Variants in OTOA observed in about 807,000 individuals in gnomAD.
OTOA encodes the protein cancer/testis antigen 108.
In OTOA, 70 loss-of-function variants were observed where a neutral mutation model predicts 110.8. That is an observed-to-expected ratio of 0.63 (90% CI 0.52 to 0.77). The LOEUF (loss-of-function observed/expected upper bound fraction) is 0.77. OTOA is among the 30% of genes least tolerant of loss of function. The probability of loss-of-function intolerance (pLI) is 0.00; values close to 1 mark genes in which losing one functional copy is unlikely to be tolerated. For missense variants in OTOA, 917 were observed against 1,075.8 expected, an observed-to-expected ratio of 0.85 and a Z score of 2.06; for synonymous variants, 373 against 431.5, an observed-to-expected ratio of 0.86 and a Z score of 1.68.
At position 21,705,312 on chromosome 16, in the gene OTOA, C is replaced by T; in HGVS notation, c.1104+20C>T. 1.2e-6 allele frequency: 2 copies of T among 1,613,360 alleles called. No individual in the cohort carries two copies. The highest frequency in any genetic ancestry group is 1.7e-6 in the Non-Finnish European group (2 of 1,180,020). ...CAGAAGGTACAGCTGGGGTGCAAGGCCCTGAGGCCTCTGCCTCAGTGTCAC... is the reference window on the plus strand; with the variant it reads ...CAGAAGGTACAGCTGGGGTGCAAGGTCCTGAGGCCTCTGCCTCAGTGTCAC... On this transcript the variant is annotated intron_variant, in intron 12 of 28. Coordinates refer to ENST00000646100, the MANE Select transcript of OTOA (RefSeq NM_144672.4).
At chr16:21,667,749 C>T (rs560701949) in intron 1 of OTOA, among the ~76,000 whole-genome samples, 42 of 152,290 alleles carry the variant, frequency 2.8e-4, no homozygotes, top group Non-Finnish European at 3.4e-4. Context: ...TAGCAGGAAG[C>T]TGCCATGGAC....
rs182109934 is a variant in OTOA at position 21,692,064 on chromosome 16, C to T, written c.739+377C>T. 1.4e-4 allele frequency among the ~76,000 whole-genome samples: 22 copies of T among 152,200 alleles called. No individual in the cohort carries two copies. The South Asian group carries it at 1.7e-3, about 11-fold the overall frequency. On this transcript the variant is annotated intron_variant, in intron 9 of 28. Transcript: ENST00000646100. Reference sequence around the variant, plus strand: ...AGAAGAGGCTGGGCGTGGTGGCTCACGCCTGTAATCCCAGCACTTTGGGAG... The same window carrying T: ...AGAAGAGGCTGGGCGTGGTGGCTCATGCCTGTAATCCCAGCACTTTGGGAG...
intron 27 of OTOA, among the ~76,000 whole-genome samples, chr16:21,756,186 G>C (rs1899980717): frequency 6.6e-6 from 1 of 151,472 alleles, no homozygotes; most frequent in African/African-American, 2.4e-5. Context: ...AGTCCCATTG[G>C]AACGAGTCAC....
At chr16:21,699,413 A>G (rs1898007437) in intron 10 of OTOA, among the ~76,000 whole-genome samples, 1 of 152,144 alleles carries the variant, frequency 6.6e-6, no homozygotes, top group African/African-American at 2.4e-5. Flanking sequence ...AGGCGGGAGG[A>G]TCACTTGAGC....
intron 20 of OTOA, among the ~76,000 whole-genome samples, chr16:21,729,040 C>CT (rs1899024502): frequency 7.5e-6 from 1 of 134,078 alleles, no homozygotes; most frequent in Non-Finnish European, 1.7e-5. Context: ...AGTTTAAAGA[C>CT]TATTTTTTTT....
chr16:21,681,369 T>C (rs1425643969), intron 5 of OTOA, among the ~76,000 whole-genome samples: 2 of 151,904 alleles, frequency 1.3e-5, no homozygotes, highest in African/African-American at 2.4e-5. Context: ...GGTGGGAGGA[T>C]TGCTTGAGCC....
chr16:21,681,803 C>A lies in OTOA; in HGVS notation c.245C>A (p.Ala82Asp), dbSNP rs772578617. 1.4e-5 allele frequency: 22 copies of A among 1,613,960 alleles called. No individual in the cohort carries two copies. The highest frequency in any genetic ancestry group is 1.5e-5 in the Non-Finnish European group (18 of 1,179,876). Reference protein sequence around the residue: ...VLAYLNSRNVAFTIPSLQAAV... With the variant: ...VLAYLNSRNVDFTIPSLQAAV... ...GCCTATCTGAATTCCCGGAATGTTGCCTTCACCATCCCCAGCCTGCAGGTG... is the reference window on the plus strand; with the variant it reads ...GCCTATCTGAATTCCCGGAATGTTGACTTCACCATCCCCAGCCTGCAGGTG... The change falls in exon 6 of 29, where the codon GCC (alanine) becomes GAC (aspartate). Residue 82 changes from alanine (A) to aspartate (D), a missense_variant. By Grantham distance (126) the Ala-to-Asp change is moderately radical (BLOSUM62 -2). Transcript: ENST00000646100.
Position 21,760,452 on chromosome 16 carries a change from T to C in OTOA, c.3350-18T>C. 6.5e-7 allele frequency: 1 copy of C among 1,533,152 alleles called. No homozygotes were observed. The highest frequency in any genetic ancestry group is 1.1e-5 in the South Asian group (1 of 89,504). The allele number at this position is 1,533,152 out of a possible 1,614,324, so 95.0% of individuals were successfully genotyped here. ...TGCCAGAACTTCATGTGTACTCTTATTTTGTATTTGCTTTTAGGAGCTCTC... is the reference window on the plus strand; with the variant it reads ...TGCCAGAACTTCATGTGTACTCTTACTTTGTATTTGCTTTTAGGAGCTCTC... On this transcript the variant is annotated intron_variant, in intron 28 of 28. Coordinates refer to ENST00000646100, the MANE Select transcript of OTOA (RefSeq NM_144672.4).
At chr16:21,712,955 G>A (rs1898405277) in intron 13 of OTOA, among the ~76,000 whole-genome samples, 1 of 152,028 alleles carries the variant, frequency 6.6e-6, no homozygotes, top group South Asian at 2.1e-4. Context: ...AGGAACTGGG[G>A]GGTTTCTTCT....
intron 12 of OTOA, among the ~76,000 whole-genome samples, chr16:21,708,503 G>A (rs1045813668): frequency 6.6e-5 from 10 of 152,130 alleles, no homozygotes; most frequent in African/African-American, 1.7e-4. Context: ...CAGGAGGTCC[G>A]GGAGCAGCCT....
At chr16:21,687,301 G>C in intron 7 of OTOA, 112 bp from the exon 8 acceptor site, 1 of 853,602 alleles carries the variant, frequency 1.2e-6, no homozygotes, top group Non-Finnish European at 2.0e-6. Flanking sequence ...TAGCAGCATG[G>C]TGTTAAACAG....
At chr16:21,710,124 C>G (rs1259527048) in intron 13 of OTOA, 21 bp downstream of exon 13, 1 of 1,582,778 alleles carries the variant, frequency 6.3e-7, no homozygotes, top group Admixed American at 1.8e-5. Context: ...GTTTTAAACT[C>G]TTTTTTATTC....
chr16:21,723,248 G>T (rs1898814827), intron 18 of OTOA, among the ~76,000 whole-genome samples: 1 of 152,108 alleles, frequency 6.6e-6, no homozygotes, highest in South Asian at 2.1e-4. Flanking sequence ...GGTCCCATCT[G>T]GCCTGGCTTT....
Position 21,709,738 on chromosome 16 carries a change from G to T in OTOA, c.1105-150G>T. The T allele has an allele frequency of 4.1e-6, 3 of 735,482 alleles. No individual in the cohort carries two copies. In the South Asian group the frequency reaches 4.5e-5, roughly 11 times the overall value. 45.6% of individuals were successfully genotyped at this position (735,482 alleles called of 1,614,324 possible). A position where few individuals can be genotyped will look rare whatever the true frequency, so the allele number is the denominator to read the frequency against. ...GTCTCACTGTCTGGGCATGGCAGGAGTCCCTTTCCTTCATCGTTTCTGAGC... is the reference window on the plus strand; with the variant it reads ...GTCTCACTGTCTGGGCATGGCAGGATTCCCTTTCCTTCATCGTTTCTGAGC... On this transcript the variant is annotated intron_variant, in intron 12 of 28. Coordinates refer to ENST00000646100, the MANE Select transcript of OTOA (RefSeq NM_144672.4).
At position 21,679,201 on chromosome 16, in the gene OTOA, C is replaced by T. The variant is rs756365553; in HGVS notation, c.169C>T (p.Gln57Ter). Reference protein sequence around the residue: ...SYLNALLDLIQFQSSHVWTDD... With the variant: ...SYLNALLDLI ...CATTGTAGCACTGCTGGATCTCATA[C>T]AGTTTCAAAGGTAAAATGCCCTAGA... The change falls in exon 5 of 29, where the codon CAG (glutamine) becomes TAG (stop). Residue 57 changes from glutamine (Q) to a stop codon, truncating the protein, a stop_gained. Coordinates refer to ENST00000646100, the MANE Select transcript of OTOA (RefSeq NM_144672.4). LOFTEE classifies it high-confidence loss of function. 1 of 1,613,510 alleles carries T rather than the reference C, an allele frequency of 6.2e-7. No individual in the cohort carries two copies. Among genetic ancestry groups the T allele is most frequent in the Non-Finnish European group, 8.5e-7 (1 of 1,179,864 alleles).
intron 21 of OTOA, among the ~76,000 whole-genome samples, chr16:21,731,940 G>T (rs1278521855): frequency 2.0e-5 from 3 of 152,134 alleles, no homozygotes; most frequent in African/African-American, 7.2e-5. Context: ...ATAAGCAGTT[G>T]ATGCACACAT....
chr16:21,735,783 G>A (rs1293914546), intron 21 of OTOA, among the ~76,000 whole-genome samples: 1 of 151,970 alleles, frequency 6.6e-6, no homozygotes. Context: ...TAGTAGAGAT[G>A]GGGTTTCACC....
chr16:21,706,682 G>A (rs1020126325), intron 12 of OTOA, among the ~76,000 whole-genome samples: 2 of 151,526 alleles, frequency 1.3e-5, no homozygotes, highest in Admixed American at 6.6e-5. Context: ...GCTTAAAATC[G>A]AAACGATGAC....
intron 18 of OTOA, among the ~76,000 whole-genome samples, chr16:21,724,420 G>A (rs17251122): frequency 1.3e-5 from 2 of 151,960 alleles, no homozygotes; most frequent in Non-Finnish European, 2.9e-5. Flanking sequence ...ACACATGGGG[G>A]TATATCTGCA....
Sources: allele counts gnomAD v4.1 joint callset (sites outside exome capture counted in the v4.1 genomes callset), GRCh38; gene constraint gnomAD v4.1.1; transcripts MANE v1.5; gene names NCBI Gene and HGNC (gene_info 2026-07-23, HGNC 2026-07-21).